Variants in LRRC4C observed in about 807,000 individuals in gnomAD.
The protein encoded by LRRC4C is leucine rich repeat containing 4C, also known as leucine-rich repeat-containing protein 4C.
LRRC4C carries 5 observed loss-of-function variants against 33.6 expected under a neutral mutation model. The ratio of observed to expected loss-of-function variants is 0.15; its 90% CI spans 0.08 to 0.31. LRRC4C has a LOEUF of 0.31. Ranked by LOEUF, LRRC4C falls within the 10% of genes least tolerant of loss-of-function variation. LRRC4C has a pLI of 1.00. For missense variants in LRRC4C, 560 were observed against 796.7 expected (o/e 0.70, Z 3.58); for synonymous variants, 329 against 302.0 (o/e 1.09, Z -0.93).
chr11:41,059,542 A>C (rs1858910882), intron 1 of LRRC4C, among the ~76,000 whole-genome samples: 1 of 151,828 alleles, frequency 6.6e-6, no homozygotes, highest in Non-Finnish European at 1.5e-5. Flanking sequence ...TTTTTATAGG[A>C]GTTTCTTCTT....
intron 3 of LRRC4C, among the ~76,000 whole-genome samples, chr11:40,570,957 T>G (rs1957959837): frequency 1.3e-5 from 2 of 152,178 alleles, no homozygotes; most frequent in South Asian, 4.1e-4. Flanking sequence ...AAATACAATT[T>G]TCTATAATAC....
At chr11:40,531,037 G>A (rs1956250945) in intron 3 of LRRC4C, among the ~76,000 whole-genome samples, 1 of 151,938 alleles carries the variant, frequency 6.6e-6, no homozygotes, top group African/African-American at 2.4e-5. Context: ...AACAACTATT[G>A]GCACATAGTA....
chr11:40,718,950 C>G (rs536837796), intron 2 of LRRC4C, among the ~76,000 whole-genome samples: 1 of 152,126 alleles, frequency 6.6e-6, no homozygotes, highest in Non-Finnish European at 1.5e-5. Flanking sequence ...GAAACCAGGA[C>G]TAAAGATACT....
chr11:40,161,400 T>A (rs1218997668), intron 5 of LRRC4C, among the ~76,000 whole-genome samples: 1 of 152,250 alleles, frequency 6.6e-6, no homozygotes, highest in African/African-American at 2.4e-5. Flanking sequence ...TAAATATTTT[T>A]AAAGTATCTG....
chr11:40,880,382 A>AT (rs1955107826), intron 2 of LRRC4C, among the ~76,000 whole-genome samples: 1 of 152,008 alleles, frequency 6.6e-6, no homozygotes, highest in South Asian at 2.1e-4. Context: ...CTGAACAGAT[A>AT]TTTTTGACTC....
chr11:40,124,349 G>A (rs866817401), intron 6 of LRRC4C, among the ~76,000 whole-genome samples: 2 of 152,234 alleles, frequency 1.3e-5, no homozygotes, highest in Middle Eastern at 3.4e-3. Flanking sequence ...AGAAATATCT[G>A]CACTCCCATG....
intron 1 of LRRC4C, among the ~76,000 whole-genome samples, chr11:41,331,899 T>C (rs1288793676): frequency 1.3e-5 from 2 of 152,216 alleles, no homozygotes; most frequent in Non-Finnish European, 2.9e-5. Context: ...CTTCTCAACA[T>C]ACTTCCAAAG....
intron 2 of LRRC4C, among the ~76,000 whole-genome samples, chr11:40,919,852 T>A (rs1565204010): frequency 6.6e-6 from 1 of 152,094 alleles, no homozygotes; most frequent in Non-Finnish European, 1.5e-5. Flanking sequence ...AGGAATTAAT[T>A]TTTACATCTT....
intron 3 of LRRC4C, among the ~76,000 whole-genome samples, chr11:40,559,134 G>T (rs1026239918): frequency 2.0e-5 from 3 of 146,914 alleles, no homozygotes; most frequent in African/African-American, 7.5e-5. Context: ...GATTCAATTT[G>T]TTTGCTATTG....
chr11:40,827,382 T>A (rs1436609316), intron 2 of LRRC4C, among the ~76,000 whole-genome samples: 1 of 151,820 alleles, frequency 6.6e-6, no homozygotes, highest in Non-Finnish European at 1.5e-5. Context: ...TTATACACAT[T>A]TGTGAAAATC....
At chr11:41,065,733 T>C (rs1477809930) in intron 1 of LRRC4C, among the ~76,000 whole-genome samples, 2 of 152,148 alleles carry the variant, frequency 1.3e-5, no homozygotes, top group Non-Finnish European at 2.9e-5. Flanking sequence ...TAGCAATCTT[T>C]GCTGTTCTAC....
At chr11:40,237,737 A>G (rs1196013970) in intron 5 of LRRC4C, among the ~76,000 whole-genome samples, 1 of 152,188 alleles carries the variant, frequency 6.6e-6, no homozygotes, top group African/African-American at 2.4e-5. Context: ...ATAAGTATGA[A>G]ATATCTATGC....
intron 1 of LRRC4C, among the ~76,000 whole-genome samples, chr11:41,030,266 G>T (rs1176809507): frequency 6.6e-6 from 1 of 151,866 alleles, no homozygotes; most frequent in Non-Finnish European, 1.5e-5. Context: ...ATTTTTGCAT[G>T]CAGAGCTATG....
At chr11:40,300,489 A>C (rs1944719715) in intron 4 of LRRC4C, among the ~76,000 whole-genome samples, 1 of 152,236 alleles carries the variant, frequency 6.6e-6, no homozygotes, top group African/African-American at 2.4e-5. Context: ...CTATGGTTGA[A>C]GTGATCAACT....
At chr11:40,235,708 A>G (rs1449042446) in intron 5 of LRRC4C, among the ~76,000 whole-genome samples, 1 of 152,220 alleles carries the variant, frequency 6.6e-6, no homozygotes, top group African/African-American at 2.4e-5. Flanking sequence ...ACACTCATTA[A>G]TTGTGTAGCT....
At chr11:40,461,975 G>A (rs1385403790) in intron 3 of LRRC4C, among the ~76,000 whole-genome samples, 1 of 151,796 alleles carries the variant, frequency 6.6e-6, no homozygotes, top group Non-Finnish European at 1.5e-5. Context: ...GAAAGGAGGG[G>A]AACAGGAAGA....
intron 3 of LRRC4C, among the ~76,000 whole-genome samples, chr11:40,604,873 G>T (rs946908760): frequency 6.6e-6 from 1 of 151,930 alleles, no homozygotes; most frequent in Non-Finnish European, 1.5e-5. Context: ...AGGAGGAATG[G>T]AGGTTAAACT....
intron 1 of LRRC4C, among the ~76,000 whole-genome samples, chr11:41,437,892 G>T (rs974260251): frequency 6.6e-6 from 1 of 152,124 alleles, no homozygotes; most frequent in African/African-American, 2.4e-5. Context: ...ACAAAAATTA[G>T]CTGGGCGTGG....
intron 1 of LRRC4C, among the ~76,000 whole-genome samples, chr11:41,246,531 T>G (rs549990184): frequency 6.6e-6 from 1 of 152,182 alleles, no homozygotes; most frequent in East Asian, 1.9e-4. Flanking sequence ...TCCCCACCCT[T>G]CAACTTGGAA....
Sources: allele counts gnomAD v4.1 joint callset (sites outside exome capture counted in the v4.1 genomes callset), GRCh38; gene constraint gnomAD v4.1.1; transcripts MANE v1.5; gene names NCBI Gene and HGNC (gene_info 2026-07-23, HGNC 2026-07-21).